MAPK15: variants seen among roughly 807,000 people sequenced by gnomAD.
The protein encoded by MAPK15 is mitogen-activated protein kinase 15.
In MAPK15, 61 loss-of-function variants were observed where a neutral mutation model predicts 60.8. The observed-to-expected ratio is 1.00, with a 90% CI of 0.82 to 1.24. The LOEUF (loss-of-function observed/expected upper bound fraction) is 1.24. MAPK15 is among the 50% of genes most tolerant of loss of function. The pLI is 0.00. For synonymous variants in MAPK15, 356 were observed against 319.9 expected, an observed-to-expected ratio of 1.11 and a Z score of -1.21; for missense variants, 808 against 741.1, an observed-to-expected ratio of 1.09 and a Z score of -1.05.
In MAPK15 at chr8:143,718,935, G is replaced by A. The variant is rs200307665; in HGVS notation, c.417+30G>A. 1.4e-3 allele frequency: 2,277 copies of A among 1,597,844 alleles called. 4 individuals carry two copies. Among genetic ancestry groups the A allele is most frequent in the Non-Finnish European group, 1.7e-3 (2,034 of 1,171,168 alleles). ...GGTTCCCCCGCCCCCGCTATGCCAC[G>A]TGGCCCGGCTCCCGGCCCCACCCAG... is the stretch of plus-strand genomic sequence containing the variant. On this transcript the variant is annotated intron_variant, in intron 5 of 13. Transcript: ENST00000338033.
chr8:143,719,439 G>A lies in MAPK15; in HGVS notation c.678G>A (p.Gln226=). Residue 226 remains glutamine (Q), a synonymous_variant, in exon 7 of 14, where the codon CAG becomes CAA. Transcript: ENST00000338033. Reference sequence around the variant, plus strand: ...TCCCCGGCACGTCCACCCTCCACCAGCTGGAGCTGATCCTGGAGACCATCC... The same window carrying A: ...TCCCCGGCACGTCCACCCTCCACCAACTGGAGCTGATCCTGGAGACCATCC... ...PLFPGTSTLH[Q]LELILETIPP... is the part of the protein sequence containing the mutation. The A allele has an allele frequency of 1.9e-6, 3 of 1,609,944 alleles. No individual in the cohort carries two copies. The highest frequency in any genetic ancestry group is 2.5e-6 in the Non-Finnish European group (3 of 1,178,850).
At position 143,721,143 on chromosome 8, in the gene MAPK15, T is replaced by C. The variant is rs782609204; in HGVS notation, c.1023+38T>C. The C allele has an allele frequency of 1.9e-5, 31 of 1,600,574 alleles. No homozygotes were observed. In the South Asian group the frequency reaches 3.5e-4, roughly 18 times the overall value. ...TCGACCCCTATCATCCCCTGTCTAC[T>C]GCACCCTGGAGGCTGCCTCCTATGT... On this transcript the variant is annotated intron_variant, in intron 10 of 13. Transcript: ENST00000338033.
chr8:143,720,453 C>T lies in MAPK15; in HGVS notation c.779+166C>T, dbSNP rs1818001299. 2 of 1,447,774 alleles carry T rather than the reference C, an allele frequency of 1.4e-6. No homozygotes were observed. Among genetic ancestry groups the T allele is most frequent in the African/African-American group, 1.4e-5 (1 of 69,706 alleles). The allele number at this position is 1,447,774 out of a possible 1,614,324, so 89.7% of individuals were successfully genotyped here. On this transcript the variant is annotated intron_variant, in intron 8 of 13. Transcript: ENST00000338033. This position sits in a 1 kb window ranked among gnomAD's most constrained non-coding sequence, Gnocchi z 4.6. ...CTGTTGGCCACACTGAAAGCAGGAG[C>T]CCCTCTGGTGCTCCTAGAGGGTGGC... is the stretch of plus-strand genomic sequence containing the variant.
At position 143,722,364 on chromosome 8, in the gene MAPK15, T is replaced by G; in HGVS notation, c.*113T>G. On this transcript the variant is annotated 3_prime_UTR_variant, in exon 14 of 14. Transcript: ENST00000338033. ...CCCTGCTTTGCCTGGCCCGTTGAAG[T>G]TCCAGGGAGCTTGCCCGGGTCTCCT... The G allele has an allele frequency of 9.9e-7, 1 of 1,008,146 alleles. No homozygotes were observed. Among genetic ancestry groups the G allele is most frequent in the Non-Finnish European group, 1.4e-6 (1 of 719,798 alleles). The allele number at this position is 1,008,146 out of a possible 1,614,324, so 62.5% of individuals were successfully genotyped here. A position where few individuals can be genotyped will look rare whatever the true frequency, so the allele number is the denominator to read the frequency against.
rs782294961 is a variant in MAPK15 at position 143,721,504 on chromosome 8, T to TGGGGTTGACCCACTGACCCC, written c.1205-24_1205-5dup. 46 of 1,613,198 alleles carry TGGGGTTGACCCACTGACCCC rather than the reference T, an allele frequency of 2.9e-5. 2 individuals carry two copies. The South Asian group carries it at 4.0e-4, about 14-fold the overall frequency. ...ATGCGCAGCATTCGGTTCCTGACCC[T>TGGGGTTGACCCACTGACCCC]GGGGTTGACCCACTGACCCCGGGGT... On this transcript the variant is annotated intron_variant, in intron 11 of 13. Transcript: ENST00000338033.
intron 6 of MAPK15, 69 bp from the exon 7 acceptor site, chr8:143,719,274 A>AC: frequency 4.8e-6 from 7 of 1,462,008 alleles, no homozygotes; most frequent in African/African-American, 1.5e-5. Context: ...TCCCCCATTC[A>AC]CCCCCCAGCA....
Position 143,720,094 on chromosome 8 carries a change from T to G in MAPK15, c.722-136T>G. On this transcript the variant is annotated intron_variant, in intron 7 of 13. Coordinates refer to ENST00000338033, the MANE Select transcript of MAPK15 (RefSeq NM_139021.3). The surrounding 1 kb of genome is among the most constrained non-coding windows in gnomAD (Gnocchi z 4.6). ...TGGCACGCCCTGGTGATGGGGTGTT[T>G]GAGCCCCGCCAGACAGCAGAAACCC... 4 of 1,328,728 alleles carry G rather than the reference T, an allele frequency of 3.0e-6. No homozygotes were observed. The highest frequency in any genetic ancestry group is 1.5e-5 in the African/African-American group (1 of 68,702). 82.3% of individuals were successfully genotyped at this position (1,328,728 alleles called of 1,614,324 possible).
Position 143,721,739 on chromosome 8 carries a change from T to A in MAPK15, c.1330-13T>A. On this transcript the variant is annotated splice_polypyrimidine_tract_variant and intron_variant, in intron 12 of 13. Coordinates refer to ENST00000338033, the MANE Select transcript of MAPK15 (RefSeq NM_139021.3). Reference sequence around the variant, plus strand: ...TGCACCTTTCAGTGACCCTGTGACATGGCCCTTCCCAGGTGAAGCCAAGCG... The same window carrying A: ...TGCACCTTTCAGTGACCCTGTGACAAGGCCCTTCCCAGGTGAAGCCAAGCG... 1 of 1,613,592 alleles carries A rather than the reference T, an allele frequency of 6.2e-7. No individual in the cohort carries two copies. Among genetic ancestry groups the A allele is most frequent in the Non-Finnish European group, 8.5e-7 (1 of 1,179,848 alleles).
Position 143,720,849 on chromosome 8 carries a change from G to A in MAPK15, c.917+9G>A. ...CACCCCTACGTGCAGAGGTGGGGGT[G>A]GGAGAGAGTCCCCCAAGTGCGGGGG... On this transcript the variant is annotated intron_variant, in intron 9 of 13. Transcript: ENST00000338033. This position sits in a 1 kb window ranked among gnomAD's most constrained non-coding sequence, Gnocchi z 4.6. The A allele has an allele frequency of 3.7e-6, 6 of 1,610,242 alleles. No individual in the cohort carries two copies. The highest frequency in any genetic ancestry group is 5.1e-6 in the Non-Finnish European group (6 of 1,179,140).
At position 143,718,761 on chromosome 8, in the gene MAPK15, C is replaced by T. The variant is rs1554619002; in HGVS notation, c.287-14C>T. 6.0e-6 allele frequency: 8 copies of T among 1,325,188 alleles called. No individual in the cohort carries two copies. The highest frequency in any genetic ancestry group is 6.0e-6 in the Non-Finnish European group (6 of 993,446). The allele number at this position is 1,325,188 out of a possible 1,614,324, so 82.1% of individuals were successfully genotyped here. ...GCCCCCCACCCCCGACTGCAGTGCG[C>T]ACCCTCTCTGCAGACACTGACCTGA... On this transcript the variant is annotated splice_polypyrimidine_tract_variant and intron_variant, in intron 4 of 13. Transcript: ENST00000338033.
At chr8:143,718,152 T>C in intron 3 of MAPK15, 60 bp from the exon 4 acceptor site, 3 of 1,613,014 alleles carry the variant, frequency 1.9e-6, no homozygotes, top group Non-Finnish European at 2.5e-6. Context: ...AAACTGGCCT[T>C]CTTGGGCCCC....
chr8:143,721,781 C>T lies in MAPK15; in HGVS notation c.1359C>T (p.Pro453=). Residue 453 remains proline (P), a synonymous_variant, in exon 13 of 14, where the codon CCC becomes CCT. Coordinates refer to ENST00000338033, the MANE Select transcript of MAPK15 (RefSeq NM_139021.3). ...LVKPSGRGAA[P]SLTSQAAAQV... Reference sequence around the variant, plus strand: ...AGCCAAGCGGGAGGGGAGCTGCGCCCTCCCTGACCTCCCAGGCTGCGGCTC... The same window carrying T: ...AGCCAAGCGGGAGGGGAGCTGCGCCTTCCCTGACCTCCCAGGCTGCGGCTC... 2 of 1,613,390 alleles carry T rather than the reference C, an allele frequency of 1.2e-6. No individual in the cohort carries two copies. Among genetic ancestry groups the T allele is most frequent in the Non-Finnish European group, 1.7e-6 (2 of 1,179,856 alleles).
chr8:143,716,984 G>C (rs1817837546), intron 1 of MAPK15, among the ~76,000 whole-genome samples: 1 of 152,138 alleles, frequency 6.6e-6, no homozygotes. Flanking sequence ...AGGGGAGGAA[G>C]AGCCTTCCAG....
Position 143,717,726 on chromosome 8 carries a change from G to A in MAPK15, c.99G>A (p.Arg33=). 1 of 1,611,672 alleles carries A rather than the reference G, an allele frequency of 6.2e-7. No homozygotes were observed. The highest frequency in any genetic ancestry group is 1.1e-5 in the South Asian group (1 of 90,260). Residue 33 remains arginine (R), a synonymous_variant, in exon 2 of 14, where the codon CGG becomes CGA. Coordinates refer to ENST00000338033, the MANE Select transcript of MAPK15 (RefSeq NM_139021.3). The part of the protein sequence containing the change: ...AYGIVWKAVD[R]RTGEVVAIKK... ...GCATTGTGTGGAAGGCAGTGGACCG[G>A]AGGACTGGTGAGGTCGTGGCCATCA...
chr8:143,716,816 C>A (rs1161448205), intron 1 of MAPK15, among the ~76,000 whole-genome samples: 1 of 152,196 alleles, frequency 6.6e-6, no homozygotes, highest in East Asian at 1.9e-4. Flanking sequence ...ACCCCAGGCT[C>A]AGGAGCACAG....
At position 143,716,359 on chromosome 8, in the gene MAPK15, C is replaced by A. The variant is rs1554618324; in HGVS notation, c.-19C>A. The A allele has an allele frequency of 1.3e-6, 2 of 1,589,024 alleles. No homozygotes were observed. The highest frequency in any genetic ancestry group is 8.5e-7 in the Non-Finnish European group (1 of 1,170,882). On this transcript the variant is annotated 5_prime_UTR_variant, in exon 1 of 14. Coordinates refer to ENST00000338033, the MANE Select transcript of MAPK15 (RefSeq NM_139021.3). ...GGCAACCGACTCAACAGTAAGGCCC[C>A]GCGGGCGTCCTGGCCGCCATGTGCA...
At position 143,721,796 on chromosome 8, in the gene MAPK15, G is replaced by A; in HGVS notation, c.1374G>A (p.Gln458=). 1 of 1,613,210 alleles carries A rather than the reference G, an allele frequency of 6.2e-7. No homozygotes were observed. Among genetic ancestry groups the A allele is most frequent in the Non-Finnish European group, 8.5e-7 (1 of 1,179,812 alleles). ...GAGCTGCGCCCTCCCTGACCTCCCA[G>A]GCTGCGGCTCAGGTGGCCAACCAGG... ...GRGAAPSLTS[Q]AAAQVANQAL... The change falls in exon 13 of 14, where the codon CAG becomes CAA. Residue 458 remains glutamine, a synonymous_variant. Coordinates refer to ENST00000338033, the MANE Select transcript of MAPK15 (RefSeq NM_139021.3).
At chr8:143,718,938 GC>G (rs1554619080) in intron 5 of MAPK15, 33 bp downstream of exon 5, 1 of 1,597,558 alleles carries the variant, frequency 6.3e-7, no homozygotes, top group South Asian at 1.1e-5. Flanking sequence ...ATGCCACGTG[GC>G]CCGGCTCCCG....
intron 1 of MAPK15, among the ~76,000 whole-genome samples, chr8:143,717,453 C>T (rs375112240): frequency 1.3e-5 from 2 of 152,156 alleles, no homozygotes; most frequent in East Asian, 1.9e-4. Context: ...CCTGCCCAGA[C>T]GCTCCCCTCT....
Sources: gnomAD v4.1 joint callset for allele counts (sites outside exome capture counted in the v4.1 genomes callset) on GRCh38, gnomAD v4.1.1 for gene constraint, Gnocchi (gnomAD v3.1) non-coding constraint, MANE v1.5 for transcripts, NCBI Gene and HGNC (gene_info 2026-07-23, HGNC 2026-07-21) for gene names.